Variants in ZBBX observed in about 807,000 individuals in gnomAD.
ZBBX encodes the protein zinc finger B-box domain containing.
ZBBX carries 101 observed loss-of-function variants against 108.5 expected under a neutral mutation model. The observed-to-expected ratio is 0.93, with a 90% CI of 0.79 to 1.10. The LOEUF is 1.10. ZBBX is among the 50% of genes least tolerant of loss of function. ZBBX has a pLI of 0.00. For synonymous variants in ZBBX, 356 were observed against 323.4 expected (o/e 1.10, Z -1.08); for missense variants, 1,009 against 941.4 (o/e 1.07, Z -0.94).
At chr3:167,293,180 CGCCTCCCTAACCT>C (rs1185797662) in intron 18 of ZBBX, among the ~76,000 whole-genome samples, 13 of 152,198 alleles carry the variant, frequency 8.5e-5, no homozygotes, top group Admixed American at 8.5e-4. Context: ...AAAAGAGGGA[CGCCTCCCTAACCT>C]ATTGTATGAG....
chr3:167,327,647 T>G (rs903119248), intron 11 of ZBBX, among the ~76,000 whole-genome samples: 1 of 152,126 alleles, frequency 6.6e-6, no homozygotes, highest in Admixed American at 6.6e-5. Flanking sequence ...CTGGGCACAG[T>G]GGCTCATGTC....
At chr3:167,407,135 A>C (rs1257088493) in intron 1 of ZBBX, among the ~76,000 whole-genome samples, 3 of 151,798 alleles carry the variant, frequency 2.0e-5, no homozygotes, top group Non-Finnish European at 4.4e-5. Flanking sequence ...GGCTGCATCC[A>C]GCATTTCAAA....
At chr3:167,262,002 C>T (rs989103972) in intron 20 of ZBBX, among the ~76,000 whole-genome samples, 6 of 152,120 alleles carry the variant, frequency 3.9e-5, no homozygotes, top group Admixed American at 2.6e-4. Context: ...GGTAGGTGAC[C>T]CAACAAGCTC....
intron 19 of ZBBX, among the ~76,000 whole-genome samples, chr3:167,282,760 A>G (rs1576884636): frequency 6.6e-6 from 1 of 152,320 alleles, no homozygotes. Flanking sequence ...TTTAATATTC[A>G]CAAAGGAAAA....
intron 1 of ZBBX, among the ~76,000 whole-genome samples, chr3:167,398,790 T>G (rs2108641721): frequency 6.6e-6 from 1 of 152,134 alleles, no homozygotes; most frequent in East Asian, 1.9e-4. Flanking sequence ...CCTCCAAAAC[T>G]CATGTTAAAT....
intron 19 of ZBBX, among the ~76,000 whole-genome samples, chr3:167,283,190 A>G (rs1310774227): frequency 1.3e-5 from 2 of 152,156 alleles, no homozygotes; most frequent in African/African-American, 4.8e-5. Flanking sequence ...AAGTTGACTT[A>G]GTTGGTTTCT....
intron 4 of ZBBX, among the ~76,000 whole-genome samples, chr3:167,370,193 A>G (rs1354833683): frequency 6.6e-6 from 1 of 152,198 alleles, no homozygotes; most frequent in Admixed American, 6.5e-5. Flanking sequence ...CAAATAATAG[A>G]GAATTTGGGC....
At chr3:167,319,610 A>T (rs1736075496) in intron 12 of ZBBX, among the ~76,000 whole-genome samples, 1 of 152,010 alleles carries the variant, frequency 6.6e-6, no homozygotes, top group South Asian at 2.1e-4. Flanking sequence ...GTTGGAAAAC[A>T]TGGTTTGGCC....
chr3:167,318,437 T>C (rs1054764843), intron 12 of ZBBX, among the ~76,000 whole-genome samples: 1 of 151,990 alleles, frequency 6.6e-6, no homozygotes, highest in Non-Finnish European at 1.5e-5. Context: ...AGGATGAGAC[T>C]GAGACACAAA....
chr3:167,284,799 C>A (rs547437122), intron 19 of ZBBX, among the ~76,000 whole-genome samples: 2 of 152,148 alleles, frequency 1.3e-5, no homozygotes, highest in Non-Finnish European at 2.9e-5. Flanking sequence ...GAAGAGGCCC[C>A]AGTTTGATTC....
chr3:167,394,227 C>T (rs761401447), intron 1 of ZBBX, among the ~76,000 whole-genome samples: 3 of 151,828 alleles, frequency 2.0e-5, no homozygotes, highest in South Asian at 2.1e-4. Context: ...CATAACTGAA[C>T]GTTTCAAAGG....
intron 1 of ZBBX, 112 bp from the exon 2 acceptor site, chr3:167,379,904 G>C (rs1367582445): frequency 6.6e-6 from 1 of 152,266 alleles, no homozygotes; most frequent in African/African-American, 2.4e-5. Context: ...CTGCAGAAGG[G>C]GTACAACTGA....
intron 9 of ZBBX, among the ~76,000 whole-genome samples, chr3:167,335,070 C>A (rs1739335798): frequency 6.6e-6 from 1 of 152,168 alleles, no homozygotes; most frequent in South Asian, 2.1e-4. Context: ...ACTACCCCAA[C>A]TGTACACGGT....
rs757539449 is a variant in ZBBX at position 167,317,558 on chromosome 3, C to T, written c.1023G>A (p.Thr341=). ...QEQLFKMLPD[T]FPHPHETTGD... is the part of the protein sequence containing the mutation. Reference sequence around the variant, plus strand: ...CAGTGGTTTCATGTGGATGTGGGAACGTATCTGGTAGCATTTTAAAAAGTT... The same window carrying T: ...CAGTGGTTTCATGTGGATGTGGGAATGTATCTGGTAGCATTTTAAAAAGTT... Residue 341 remains threonine, a synonymous_variant, in exon 13 of 22, where the codon ACG becomes ACA. Coordinates refer to ENST00000675490, the MANE Select transcript of ZBBX (RefSeq NM_001199201.2). 113 of 1,610,226 alleles carry T rather than the reference C, an allele frequency of 7.0e-5. No homozygotes were observed. The highest frequency in any genetic ancestry group is 9.1e-5 in the Non-Finnish European group (107 of 1,178,088).
chr3:167,393,441 A>T (rs541250982), intron 1 of ZBBX, among the ~76,000 whole-genome samples: 1 of 151,950 alleles, frequency 6.6e-6, no homozygotes, highest in Non-Finnish European at 1.5e-5. Flanking sequence ...TATTGATTTT[A>T]TCATGATCTT....
At chr3:167,322,804 A>G (rs2108327911) in intron 11 of ZBBX, among the ~76,000 whole-genome samples, 1 of 152,210 alleles carries the variant, frequency 6.6e-6, no homozygotes, top group South Asian at 2.1e-4. Flanking sequence ...GTGTAAATCC[A>G]TGATTACTAG....
chr3:167,198,725 C>T, the ZBBX span, among the ~76,000 whole-genome samples: 3 of 152,202 alleles, frequency 2.0e-5, no homozygotes, highest in East Asian at 3.9e-4. Context: ...TTGAGTTAGG[C>T]ATTTTGAACA....
the ZBBX span, among the ~76,000 whole-genome samples, chr3:167,218,071 T>G: frequency 6.6e-6 from 1 of 151,878 alleles, no homozygotes; most frequent in Admixed American, 6.6e-5. Context: ...GGGAGCTAGA[T>G]GATAAGAACT....
chr3:167,199,283 T>TCA, the ZBBX span, among the ~76,000 whole-genome samples: 1 of 152,102 alleles, frequency 6.6e-6, no homozygotes, highest in African/African-American at 2.4e-5. Context: ...TGGTTGAGGG[T>TCA]CACTGCAAAG....
Sources: gnomAD v4.1 joint callset for allele counts (sites outside exome capture counted in the v4.1 genomes callset) on GRCh38, gnomAD v4.1.1 for gene constraint, MANE v1.5 for transcripts, NCBI Gene and HGNC (gene_info 2026-07-23, HGNC 2026-07-21) for gene names.